Variants in ABCC3 observed in about 807,000 individuals in gnomAD.
ABCC3 encodes ATP-binding cassette sub-family C member 3.
Under a neutral mutation model 165.3 loss-of-function variants are expected in ABCC3, and 121 were observed. The ratio of observed to expected loss-of-function variants is 0.73; its 90% CI spans 0.63 to 0.85. The LOEUF is 0.85. Ranked by LOEUF, ABCC3 falls within the 40% of genes least tolerant of loss-of-function variation. ABCC3 has a pLI of 0.00. For missense variants in ABCC3, 1,869 were observed against 1,964.1 expected (o/e 0.95, Z 0.92); for synonymous variants, 733 against 810.1 (o/e 0.90, Z 1.62).
At chr17:50,636,964 C>G (rs771615553) in intron 1 of ABCC3, among the ~76,000 whole-genome samples, 1 of 152,178 alleles carries the variant, frequency 6.6e-6, no homozygotes, top group Non-Finnish European at 1.5e-5. Flanking sequence ...AACCGGACCC[C>G]GGGGCTGTGG....
At chr17:50,665,290 C>A in intron 11 of ABCC3, 45 bp downstream of exon 11, 2 of 1,585,742 alleles carry the variant, frequency 1.3e-6, no homozygotes, top group Non-Finnish European at 8.6e-7. Context: ...AGCACCCGGC[C>A]GGCTGCCTGG....
Position 50,655,826 on chromosome 17 carries a change from C to G in ABCC3, c.46-6C>G, listed in dbSNP as rs62059746. ...CACAGCACTAAACTGTTCTCTGTGT[C>G]CCCAGGACTCCAACCTGTCTGTGCA... is the stretch of plus-strand genomic sequence containing the variant. On this transcript the variant is annotated splice_polypyrimidine_tract_variant and splice_region_variant and intron_variant, in intron 1 of 30. Coordinates refer to ENST00000285238, the MANE Select transcript of ABCC3 (RefSeq NM_003786.4). The G allele has an allele frequency of 1.3e-4, 202 of 1,613,500 alleles. 1 individual carries two copies. The highest frequency in any genetic ancestry group is 8.9e-5 in the Non-Finnish European group (105 of 1,179,720).
At chr17:50,677,444 G>A (rs1967843997) in intron 23 of ABCC3, among the ~76,000 whole-genome samples, 1 of 152,116 alleles carries the variant, frequency 6.6e-6, no homozygotes, top group Admixed American at 6.6e-5. Flanking sequence ...CTGGGCTAGG[G>A]GAGAATCAGA....
chr17:50,649,744 G>A (rs1967078334), intron 1 of ABCC3, among the ~76,000 whole-genome samples: 2 of 151,102 alleles, frequency 1.3e-5, no homozygotes, highest in South Asian at 2.1e-4. Context: ...AAGAAAGAGA[G>A]AGAGAGAAAG....
chr17:50,658,471 C>T lies in ABCC3; in HGVS notation c.649C>T (p.Arg217Cys), dbSNP rs780387687. ...YPETSAGFLS[R>C]LFFWWFTKMA... ...TGAGACCAGCGCTGGCTTTCTCTCC[C>T]GCCTGTTTTTCTGGTGGTTCACAAA... Residue 217 changes from arginine to cysteine, a missense_variant, in exon 6 of 31, where the codon CGC becomes TGC. Transcript: ENST00000285238. 2.0e-5 allele frequency: 33 copies of T among 1,614,042 alleles called. 1 individual carries two copies. Among genetic ancestry groups the T allele is most frequent in the East Asian group, 1.8e-4 (8 of 44,894 alleles).
chr17:50,676,103 G>C lies in ABCC3; in HGVS notation c.3067+13G>C. The C allele has an allele frequency of 6.2e-7, 1 of 1,614,022 alleles. No individual in the cohort carries two copies. The highest frequency in any genetic ancestry group is 1.7e-4 in the Middle Eastern group (1 of 6,058). ...GGAATTCTGCAAGGTGAGCTTGTGG[G>C]GGTGTCCAGAAGGGGCTCCAATATC... On this transcript the variant is annotated intron_variant, in intron 22 of 30. Coordinates refer to ENST00000285238, the MANE Select transcript of ABCC3 (RefSeq NM_003786.4).
In ABCC3 at chr17:50,676,604, G is replaced by A. The variant is rs760680602; in HGVS notation, c.3378+16G>A. 1 of 1,339,690 alleles carries A rather than the reference G, an allele frequency of 7.5e-7. No homozygotes were observed. Among genetic ancestry groups the A allele is most frequent in the Non-Finnish European group, 9.9e-7 (1 of 1,006,116 alleles). The allele number at this position is 1,339,690 out of a possible 1,614,324, so 83.0% of individuals were successfully genotyped here. On this transcript the variant is annotated intron_variant, in intron 23 of 30. Coordinates refer to ENST00000285238, the MANE Select transcript of ABCC3 (RefSeq NM_003786.4). ...CTTAGTGCAGGTGTGGGGTGGGCGT[G>A]ATTCCAGTGTGGGCGTGGTGTTATT...
At chr17:50,688,664 A>G (rs1968066443) in intron 30 of ABCC3, among the ~76,000 whole-genome samples, 1 of 152,126 alleles carries the variant, frequency 6.6e-6, no homozygotes, top group Admixed American at 6.5e-5. Flanking sequence ...AGGAGGGCGG[A>G]TGACTTGAGG....
chr17:50,638,463 T>C (rs1214832489), intron 1 of ABCC3, among the ~76,000 whole-genome samples: 1 of 152,134 alleles, frequency 6.6e-6, no homozygotes, highest in Non-Finnish European at 1.5e-5. Flanking sequence ...AGTGACTGCT[T>C]GGCGGAGATG....
intron 29 of ABCC3, among the ~76,000 whole-genome samples, chr17:50,687,075 C>A (rs144240243): frequency 5.5e-4 from 83 of 152,262 alleles, no homozygotes; most frequent in African/African-American, 1.9e-3. Flanking sequence ...AGAGCCCTGG[C>A]CTGTATTCCC....
intron 23 of ABCC3, among the ~76,000 whole-genome samples, chr17:50,677,267 C>T (rs564285257): frequency 2.5e-4 from 38 of 152,340 alleles, no homozygotes; most frequent in African/African-American, 5.8e-4. Context: ...TCTAAACATA[C>T]GTGTATGCAT....
intron 1 of ABCC3, among the ~76,000 whole-genome samples, chr17:50,643,252 G>A (rs1414022651): frequency 6.6e-6 from 1 of 152,234 alleles, no homozygotes; most frequent in Non-Finnish European, 1.5e-5. Flanking sequence ...TATCTGGATG[G>A]CAACTAACTG....
At chr17:50,672,580 T>G (rs1475589810) in intron 17 of ABCC3, among the ~76,000 whole-genome samples, 1 of 152,142 alleles carries the variant, frequency 6.6e-6, no homozygotes, top group Non-Finnish European at 1.5e-5. Flanking sequence ...GCTGTTCTGG[T>G]CAGGCACAGT....
At chr17:50,657,986 C>A in intron 4 of ABCC3, 96 bp from the exon 5 acceptor site, 2 of 1,572,330 alleles carry the variant, frequency 1.3e-6, no homozygotes, top group African/African-American at 1.4e-5. Context: ...GCCTCCTGCC[C>A]CAGAGGAGAC....
At chr17:50,662,668 A>G (rs1296053516) in intron 8 of ABCC3, among the ~76,000 whole-genome samples, 15 of 148,764 alleles carry the variant, frequency 1.0e-4, no homozygotes, top group African/African-American at 3.2e-4. Context: ...AGAGAGAGAG[A>G]GACACCAGTC....
intron 26 of ABCC3, among the ~76,000 whole-genome samples, chr17:50,681,219 C>T (rs1257422640): frequency 6.6e-6 from 1 of 152,172 alleles, no homozygotes; most frequent in Non-Finnish European, 1.5e-5. Context: ...TCTCTGTCCT[C>T]AAACCCCACA....
intron 30 of ABCC3, among the ~76,000 whole-genome samples, chr17:50,690,355 G>A (rs569150221): frequency 1.3e-5 from 2 of 151,908 alleles, no homozygotes; most frequent in Admixed American, 6.6e-5. Context: ...GAGGGGGGGC[G>A]GTGGCCAGGC....
At chr17:50,650,167 G>A (rs540810742) in intron 1 of ABCC3, among the ~76,000 whole-genome samples, 2 of 152,266 alleles carry the variant, frequency 1.3e-5, no homozygotes, top group Admixed American at 1.3e-4. Context: ...GTGCAATGGT[G>A]CAATCTCTGC....
intron 1 of ABCC3, among the ~76,000 whole-genome samples, chr17:50,641,528 C>T (rs1009474095): frequency 3.3e-5 from 5 of 152,216 alleles, no homozygotes; most frequent in African/African-American, 1.2e-4. Flanking sequence ...GGAGAGAACA[C>T]TGTGTTCCTG....
Sources: gnomAD v4.1 joint callset for allele counts (sites outside exome capture counted in the v4.1 genomes callset) on GRCh38, gnomAD v4.1.1 for gene constraint, MANE v1.5 for transcripts, NCBI Gene and HGNC (gene_info 2026-07-23, HGNC 2026-07-21) for gene names.